CABYR: variants seen among roughly 807,000 people sequenced by gnomAD.
The protein encoded by CABYR is calcium-binding tyrosine phosphorylation-regulated protein.
Under a neutral mutation model 36.1 loss-of-function variants are expected in CABYR, and 31 were observed. The observed-to-expected ratio is 0.86, with a 90% CI of 0.64 to 1.16. The LOEUF (loss-of-function observed/expected upper bound fraction) is 1.16, where lower values mean the gene tolerates loss of function less well. CABYR is among the 50% of genes most tolerant of loss of function. The pLI is 0.00. For missense variants in CABYR, 429 were observed against 455.8 expected (o/e 0.94, Z 0.53); for synonymous variants, 146 against 160.7 (o/e 0.91, Z 0.69).
At chr18:24,155,591 G>C in intron 3 of CABYR, 110 bp from the exon 4 acceptor site, 1 of 819,692 alleles carries the variant, frequency 1.2e-6, no homozygotes, top group Admixed American at 2.8e-5. Flanking sequence ...CAAAGTCCTG[G>C]GATTACAGGC....
At chr18:24,151,140 T>C (rs1177288324) in intron 3 of CABYR, among the ~76,000 whole-genome samples, 1 of 100,774 alleles carries the variant, frequency 9.9e-6, no homozygotes, top group Non-Finnish European at 2.0e-5. Flanking sequence ...GTTATGTACT[T>C]CAGTACCCTG....
chr18:24,155,617 C>CTA lies in CABYR; in HGVS notation c.200-84_200-83insTA, dbSNP rs2085759913. On this transcript the variant is annotated intron_variant, in intron 3 of 5. Coordinates refer to ENST00000399496, the MANE Select transcript of CABYR (RefSeq NM_153769.3). ...GATTACAGGCATGAGCCACTACATC[C>CTA]CTATTATTGCCTTCTTTAAAAATCT... 5 of 1,004,414 alleles carry CTA rather than the reference C, an allele frequency of 5.0e-6. No homozygotes were observed. In the East Asian group the frequency reaches 1.2e-4, roughly 25 times the overall value. The allele number at this position is 1,004,414 out of a possible 1,614,324, so 62.2% of individuals were successfully genotyped here.
At chr18:24,157,939 CAA>C (rs778385759) in intron 4 of CABYR, among the ~76,000 whole-genome samples, 17 of 152,250 alleles carry the variant, frequency 1.1e-4, no homozygotes, top group African/African-American at 4.1e-4. Flanking sequence ...CAGAGTGATT[CAA>C]AAAGTGTTAG....
At chr18:24,155,215 C>A (rs1351482787) in intron 3 of CABYR, among the ~76,000 whole-genome samples, 1 of 152,076 alleles carries the variant, frequency 6.6e-6, no homozygotes. Context: ...TGATCAGGAG[C>A]TTTTTCCATG....
At chr18:24,160,614 A>G (rs976603349) in intron 5 of CABYR, among the ~76,000 whole-genome samples, 3 of 152,228 alleles carry the variant, frequency 2.0e-5, no homozygotes, top group Non-Finnish European at 4.4e-5. Context: ...TTAATTTTTC[A>G]TTCATACTTA....
chr18:24,160,061 T>C lies in CABYR; in HGVS notation c.1131T>C (p.Thr377=). ...TTAHKRRKAE[T]EN ...CTCACAAACGTCGCAAAGCAGAAACTGAAAACTGGTAGGTACACTTTCCTA... is the reference window on the plus strand; with the variant it reads ...CTCACAAACGTCGCAAAGCAGAAACCGAAAACTGGTAGGTACACTTTCCTA... The change falls in exon 5 of 6, where the codon ACT becomes ACC. Residue 377 remains threonine, a synonymous_variant. Coordinates refer to ENST00000399496, the MANE Select transcript of CABYR (RefSeq NM_153769.3). 6.2e-7 allele frequency: 1 copy of C among 1,609,028 alleles called. No individual in the cohort carries two copies. Among genetic ancestry groups the C allele is most frequent in the Non-Finnish European group, 8.5e-7 (1 of 1,176,974 alleles).
At chr18:24,144,533 C>T (rs545890887) in intron 3 of CABYR, among the ~76,000 whole-genome samples, 14 of 152,236 alleles carry the variant, frequency 9.2e-5, no homozygotes, top group East Asian at 5.8e-4. Flanking sequence ...GAGGCTGAGG[C>T]GGGAGGAGGA....
intron 1 of CABYR, chr18:24,139,571 CG>C (rs1187382037): frequency 6.6e-6 from 1 of 152,246 alleles, no homozygotes; most frequent in Non-Finnish European, 1.5e-5. Context: ...GGCGCATGGA[CG>C]TTTACAGTTG....
chr18:24,153,630 G>T (rs540142042), intron 3 of CABYR, among the ~76,000 whole-genome samples: 52 of 152,184 alleles, frequency 3.4e-4, no homozygotes, highest in African/African-American at 1.2e-3. Context: ...TTCCTCTTTT[G>T]AAATCAGATT....
intron 5 of CABYR, chr18:24,160,682 AC>A (rs1282471862): frequency 6.5e-6 from 1 of 152,748 alleles, no homozygotes; most frequent in Non-Finnish European, 1.5e-5. Context: ...GTGAGCAAAA[AC>A]ATGGGACCTA....
chr18:24,159,639 C>T lies in CABYR; in HGVS notation c.709C>T (p.Gln237Ter). 6.2e-7 allele frequency: 1 copy of T among 1,614,084 alleles called. No individual in the cohort carries two copies. The highest frequency in any genetic ancestry group is 2.2e-5 in the East Asian group (1 of 44,880). Residue 237 changes from glutamine (Q) to a stop codon, truncating the protein, a stop_gained, in exon 5 of 6, where the codon CAG (glutamine) becomes TAG (stop). Transcript: ENST00000399496. LOFTEE classifies it high-confidence loss of function. Reference protein sequence around the residue: ...LPNPKDPQFQQHPPKVTFPTY... With the variant: ...LPNPKDPQFQ The stretch of plus-strand genomic sequence containing the variant: ...TAATCCTAAGGATCCACAGTTTCAG[C>T]AGCATCCACCAAAAGTCACTTTTCC...
intron 1 of CABYR, among the ~76,000 whole-genome samples, chr18:24,141,199 G>A (rs952772359): frequency 5.3e-5 from 8 of 152,208 alleles, no homozygotes; most frequent in Non-Finnish European, 8.8e-5. Context: ...GCTTTGGCCA[G>A]TACAGATTCA....
chr18:24,146,239 G>C (rs2085455398), intron 3 of CABYR, among the ~76,000 whole-genome samples: 1 of 152,160 alleles, frequency 6.6e-6, no homozygotes, highest in South Asian at 2.1e-4. Context: ...AACAGAGTTA[G>C]AAACTACAAA....
At chr18:24,156,895 TAA>T in intron 4 of CABYR, 1 of 1,614,112 alleles carries the variant, frequency 6.2e-7, no homozygotes. Flanking sequence ...GGTACATCTG[TAA>T]AGTCATCTAG....
At chr18:24,160,733 CA>C in intron 5 of CABYR, 1 of 152,774 alleles carries the variant, frequency 6.5e-6, no homozygotes, top group East Asian at 1.9e-4. Context: ...TGTATTACAA[CA>C]TGTAAAGTAT....
At chr18:24,150,039 A>G (rs2085579274) in intron 3 of CABYR, among the ~76,000 whole-genome samples, 1 of 152,250 alleles carries the variant, frequency 6.6e-6, no homozygotes, top group South Asian at 2.1e-4. Flanking sequence ...AAGTGCCGCC[A>G]AAGTGGGAGC....
At chr18:24,153,041 C>T (rs1297480030) in intron 3 of CABYR, among the ~76,000 whole-genome samples, 1 of 152,226 alleles carries the variant, frequency 6.6e-6, no homozygotes, top group Non-Finnish European at 1.5e-5. Context: ...GGGTATTTCT[C>T]AGCATCTGTG....
In CABYR at chr18:24,159,798, TATGTTGCA is replaced by T; in HGVS notation, c.872_879del (p.Val291AlafsTer10). 6.2e-7 allele frequency: 1 copy of T among 1,614,154 alleles called. No homozygotes were observed. The highest frequency in any genetic ancestry group is 8.5e-7 in the Non-Finnish European group (1 of 1,180,032). On this transcript the variant is annotated frameshift_variant, in exon 5 of 6. Coordinates refer to ENST00000399496, the MANE Select transcript of CABYR (RefSeq NM_153769.3). LOFTEE classifies it high-confidence loss of function. Reference sequence around the variant, plus strand: ...CGTTTCACAGTCAGATGTCTTGAGATATGTTGCAATGCAAGTGCCCATTGCTGTTCCTG... The same window carrying T: ...CGTTTCACAGTCAGATGTCTTGAGATATGCAAGTGCCCATTGCTGTTCCTG...
chr18:24,149,297 G>A (rs562901620), intron 3 of CABYR, among the ~76,000 whole-genome samples: 2 of 152,172 alleles, frequency 1.3e-5, no homozygotes, highest in African/African-American at 2.4e-5. Context: ...GGTTCTCTAC[G>A]GCCCCACCAG....
Sources: allele counts gnomAD v4.1 joint callset (sites outside exome capture counted in the v4.1 genomes callset), GRCh38; gene constraint gnomAD v4.1.1; transcripts MANE v1.5; gene names NCBI Gene and HGNC (gene_info 2026-07-23, HGNC 2026-07-21).